The following CFAP299 variants were observed in gnomAD, a reference collection of about 807,000 sequenced individuals.
The protein encoded by CFAP299 is cilia and flagella associated protein 299.
Under a neutral mutation model 27.0 loss-of-function variants are expected in CFAP299, and 21 were observed. That is an observed-to-expected ratio of 0.78 (90% CI 0.55 to 1.12). The LOEUF is 1.12. Among genes scored for constraint, CFAP299 ranks in the 50% most tolerant of loss-of-function variants. The pLI is 0.00. For missense variants in CFAP299, 310 were observed against 276.6 expected (o/e 1.12, Z -0.86); for synonymous variants, 104 against 98.1 (o/e 1.06, Z -0.36).
chr4:80,546,871 G>A (rs184420419), intron 2 of CFAP299, among the ~76,000 whole-genome samples: 5 of 152,078 alleles, frequency 3.3e-5, no homozygotes, highest in African/African-American at 4.8e-5. Context: ...TAAATTGCTC[G>A]GCCTCATGTG....
intron 3 of CFAP299, among the ~76,000 whole-genome samples, chr4:80,718,881 A>G (rs1363693822): frequency 6.6e-6 from 1 of 152,100 alleles, no homozygotes; most frequent in Non-Finnish European, 1.5e-5. Context: ...TCAAAGCACT[A>G]ATGTGCTTTG....
intron 2 of CFAP299, among the ~76,000 whole-genome samples, chr4:80,411,824 G>T (rs997240081): frequency 6.6e-6 from 1 of 152,038 alleles, no homozygotes; most frequent in Admixed American, 6.6e-5. Flanking sequence ...TCATAATAAA[G>T]AGGATGAGAG....
intron 3 of CFAP299, among the ~76,000 whole-genome samples, chr4:80,845,372 C>G (rs1250506168): frequency 1.3e-5 from 2 of 151,602 alleles, no homozygotes; most frequent in East Asian, 3.9e-4. Flanking sequence ...TGTTCAATGA[C>G]TTTTATTGCA....
At chr4:80,609,000 A>G (rs945622482) in intron 3 of CFAP299, among the ~76,000 whole-genome samples, 1 of 151,988 alleles carries the variant, frequency 6.6e-6, no homozygotes, top group Admixed American at 6.6e-5. Context: ...GATTGCCTAC[A>G]TTTAACTTTA....
intron 2 of CFAP299, among the ~76,000 whole-genome samples, chr4:80,384,953 TG>T (rs1724892765): frequency 6.6e-6 from 1 of 152,204 alleles, no homozygotes; most frequent in African/African-American, 2.4e-5. Flanking sequence ...TATATTTGTA[TG>T]TATTTAATTT....
chr4:80,728,494 A>G (rs1003919333), intron 3 of CFAP299, among the ~76,000 whole-genome samples: 2 of 152,170 alleles, frequency 1.3e-5, no homozygotes, highest in African/African-American at 4.8e-5. Context: ...TCAGGAACAC[A>G]ATTTCTATTT....
chr4:80,478,516 G>T (rs910571616), intron 2 of CFAP299, among the ~76,000 whole-genome samples: 3 of 151,940 alleles, frequency 2.0e-5, no homozygotes, highest in Non-Finnish European at 2.9e-5. Context: ...TCAAATAAAT[G>T]ATGCACATTT....
At chr4:80,357,216 A>T (rs189180444) in intron 1 of CFAP299, among the ~76,000 whole-genome samples, 2 of 152,196 alleles carry the variant, frequency 1.3e-5, no homozygotes, top group African/African-American at 4.8e-5. Flanking sequence ...TAAGCTTTTG[A>T]TGTGCTGCTG....
In CFAP299 at chr4:80,947,430, G is replaced by T. The variant is rs1399942083; in HGVS notation, c.606+2491G>T. Among the ~76,000 whole-genome samples, 7 of 152,176 alleles carry T rather than the reference G, an allele frequency of 4.6e-5. No individual in the cohort carries two copies. The South Asian group carries it at 8.3e-4, about 18-fold the overall frequency. On this transcript the variant is annotated intron_variant, in intron 5 of 5. Coordinates refer to ENST00000358105, the MANE Select transcript of CFAP299 (RefSeq NM_152770.3). Reference sequence around the variant, plus strand: ...GAGTCCTAGGCTTTACTATTAATTGGCTGCATGACCTTGATAAATTCACTC... The same window carrying T: ...GAGTCCTAGGCTTTACTATTAATTGTCTGCATGACCTTGATAAATTCACTC...
chr4:80,412,149 T>A (rs1282917293), intron 2 of CFAP299, among the ~76,000 whole-genome samples: 2 of 152,162 alleles, frequency 1.3e-5, no homozygotes, highest in Admixed American at 1.3e-4. Flanking sequence ...ATGCTTTTAG[T>A]CCTGTACTGT....
chr4:80,549,679 T>A (rs1394869145), intron 2 of CFAP299, among the ~76,000 whole-genome samples: 1 of 152,156 alleles, frequency 6.6e-6, no homozygotes, highest in African/African-American at 2.4e-5. Flanking sequence ...ACATACTTTG[T>A]GAGTTGCTGC....
At chr4:80,499,488 A>G (rs1731635708) in intron 2 of CFAP299, among the ~76,000 whole-genome samples, 2 of 152,100 alleles carry the variant, frequency 1.3e-5, no homozygotes, top group African/African-American at 4.8e-5. Flanking sequence ...CTAATATTTC[A>G]ACATTACTGT....
intron 2 of CFAP299, among the ~76,000 whole-genome samples, chr4:80,582,816 T>A (rs952577651): frequency 2.0e-5 from 3 of 151,880 alleles, no homozygotes; most frequent in Non-Finnish European, 1.5e-5. Flanking sequence ...TTTCATGATA[T>A]GTTAAAAAAG....
In CFAP299 at chr4:80,941,890, T is replaced by C. The variant is rs372889745; in HGVS notation, c.477-2920T>C. Reference sequence around the variant, plus strand: ...GATCTCACAAGAGCTCAGTCACTATTGTGAGGACAGTACCAAGAAGGAAAT... The same window carrying C: ...GATCTCACAAGAGCTCAGTCACTATCGTGAGGACAGTACCAAGAAGGAAAT... On this transcript the variant is annotated intron_variant, in intron 4 of 5. Coordinates refer to ENST00000358105, the MANE Select transcript of CFAP299 (RefSeq NM_152770.3). Among the ~76,000 whole-genome samples, 618 of 152,284 alleles carry C rather than the reference T, an allele frequency of 4.1e-3. 1 individual carries two copies. The highest frequency in any genetic ancestry group is 0.014 in the Middle Eastern group (4 of 294).
intron 4 of CFAP299, among the ~76,000 whole-genome samples, chr4:80,932,097 A>T (rs1176557065): frequency 6.6e-6 from 1 of 152,114 alleles, no homozygotes; most frequent in Non-Finnish European, 1.5e-5. Flanking sequence ...TAAAATATAG[A>T]CTGAATGCCC....
At chr4:80,687,960 C>T (rs1181823430) in intron 3 of CFAP299, among the ~76,000 whole-genome samples, 2 of 152,180 alleles carry the variant, frequency 1.3e-5, no homozygotes. Flanking sequence ...TCACTCCCAC[C>T]CGAATACTGC....
intron 2 of CFAP299, among the ~76,000 whole-genome samples, chr4:80,533,414 G>C (rs551174857): frequency 1.3e-5 from 2 of 152,300 alleles, no homozygotes; most frequent in South Asian, 4.2e-4. Flanking sequence ...TTACTGGAAT[G>C]TTCCAATCTC....
At chr4:80,907,146 A>T (rs1735224662) in intron 4 of CFAP299, among the ~76,000 whole-genome samples, 1 of 152,118 alleles carries the variant, frequency 6.6e-6, no homozygotes, top group Non-Finnish European at 1.5e-5. Context: ...TCAAAATGCT[A>T]CCTTTAGCTC....
intron 3 of CFAP299, among the ~76,000 whole-genome samples, chr4:80,606,275 G>A (rs868274289): frequency 1.3e-5 from 2 of 152,146 alleles, no homozygotes; most frequent in African/African-American, 2.4e-5. Flanking sequence ...GGTGGCTCAC[G>A]CTTGTAATCC....
Sources: gnomAD v4.1 joint callset for allele counts (sites outside exome capture counted in the v4.1 genomes callset) on GRCh38, gnomAD v4.1.1 for gene constraint, MANE v1.5 for transcripts, NCBI Gene and HGNC (gene_info 2026-07-23, HGNC 2026-07-21) for gene names.